MEF2A: variants seen among roughly 807,000 people sequenced by gnomAD.
MEF2A encodes myocyte enhancer factor 2A.
Under a neutral mutation model 55.8 loss-of-function variants are expected in MEF2A, and 28 were observed. That is an observed-to-expected ratio of 0.50 (90% CI 0.37 to 0.69). MEF2A has a LOEUF of 0.69. Among genes scored for constraint, MEF2A ranks in the 30% least tolerant of loss-of-function variants. MEF2A has a pLI of 0.00. For synonymous variants in MEF2A, 239 were observed against 227.1 expected (o/e 1.05, Z -0.47); for missense variants, 528 against 626.2 (o/e 0.84, Z 1.67).
chr15:99,629,378 C>T (rs1271111016), intron 2 of MEF2A, among the ~76,000 whole-genome samples: 7 of 152,218 alleles, frequency 4.6e-5, no homozygotes, highest in Admixed American at 6.5e-5. Context: ...CAAAGGGGCA[C>T]GAGAGCCTTT....
intron 1 of MEF2A, among the ~76,000 whole-genome samples, chr15:99,577,746 G>A (rs969876001): frequency 1.3e-5 from 2 of 152,000 alleles, no homozygotes; most frequent in African/African-American, 2.4e-5. Flanking sequence ...TGTTTCTTTA[G>A]TCTCCTGAAA....
chr15:99,627,150 T>A (rs1320305723), intron 2 of MEF2A, among the ~76,000 whole-genome samples: 1 of 151,840 alleles, frequency 6.6e-6, no homozygotes, highest in East Asian at 1.9e-4. Context: ...AGGGTGTGAA[T>A]ATGTAACTGG....
At position 99,586,118 on chromosome 15, in the gene MEF2A, A is replaced by G. The variant is rs528746085; in HGVS notation, c.-224-12312A>G. On this transcript the variant is annotated intron_variant, in intron 1 of 11. Coordinates refer to ENST00000557942, the MANE Select transcript of MEF2A (RefSeq NM_001319206.4). ...ATGGACTTTTGGTAGTATTATGAAT[A>G]AAGTTGCTATGAAGATTTGAGTACA... Among the ~76,000 whole-genome samples, 7 of 152,320 alleles carry G rather than the reference A, an allele frequency of 4.6e-5. No individual in the cohort carries two copies. The South Asian group carries it at 1.5e-3, about 32-fold the overall frequency.
intron 3 of MEF2A, among the ~76,000 whole-genome samples, chr15:99,634,095 G>A (rs950521716): frequency 6.6e-6 from 1 of 152,192 alleles, no homozygotes; most frequent in African/African-American, 2.4e-5. Context: ...CGTATCAGGA[G>A]AAGTTTCAAG....
rs1203173291 is a variant in MEF2A, at chr15:99,598,435, G to A, written c.-219G>A. The A allele has an allele frequency of 6.6e-6, 1 of 152,046 alleles. No homozygotes were observed. The highest frequency in any genetic ancestry group is 1.5e-5 in the Non-Finnish European group (1 of 67,994). 9.4% of individuals were successfully genotyped at this position (152,046 alleles called of 1,614,324 possible). On this transcript the variant is annotated 5_prime_UTR_variant, in exon 2 of 12. Coordinates refer to ENST00000557942, the MANE Select transcript of MEF2A (RefSeq NM_001319206.4). Reference sequence around the variant, plus strand: ...AAATTTTTTTCTTTTTTAAGGAATTGCATTTTGTGAAAAAAGAACAAGAAT... The same window carrying A: ...AAATTTTTTTCTTTTTTAAGGAATTACATTTTGTGAAAAAAGAACAAGAAT...
In MEF2A at chr15:99,712,942, A is replaced by C; in HGVS notation, c.*171A>C. On this transcript the variant is annotated 3_prime_UTR_variant, in exon 12 of 12. Coordinates refer to ENST00000557942, the MANE Select transcript of MEF2A (RefSeq NM_001319206.4). This position sits in a 1 kb window ranked among gnomAD's most constrained non-coding sequence, Gnocchi z 4.1. Reference sequence around the variant, plus strand: ...GTGTGTATGTGTGGGTGTGTGTTACATACACAGAATCAGGCACTTACCTGC... The same window carrying C: ...GTGTGTATGTGTGGGTGTGTGTTACCTACACAGAATCAGGCACTTACCTGC... 2 of 781,862 alleles carry C rather than the reference A, an allele frequency of 2.6e-6. No homozygotes were observed. Among genetic ancestry groups the C allele is most frequent in the Middle Eastern group, 3.9e-4 (1 of 2,582 alleles). The allele number at this position is 781,862 out of a possible 1,614,324, so 48.4% of individuals were successfully genotyped here.
At chr15:99,605,200 A>T (rs1974614856) in intron 2 of MEF2A, among the ~76,000 whole-genome samples, 1 of 152,124 alleles carries the variant, frequency 6.6e-6, no homozygotes, top group South Asian at 2.1e-4. Context: ...TGGCTGCTTC[A>T]GTCTCCCAAA....
At chr15:99,599,407 A>G (rs964523314) in intron 2 of MEF2A, among the ~76,000 whole-genome samples, 4 of 152,132 alleles carry the variant, frequency 2.6e-5, no homozygotes, top group Admixed American at 6.5e-5. Context: ...TATTTTGCCC[A>G]TTTCAGGAAT....
chr15:99,687,401 T>A (rs1333050073), intron 7 of MEF2A, among the ~76,000 whole-genome samples: 1 of 152,166 alleles, frequency 6.6e-6, no homozygotes, highest in Non-Finnish European at 1.5e-5. Context: ...TAGTGTCTGC[T>A]TATTTTTCGT....
chr15:99,645,364 G>A (rs547434029), intron 3 of MEF2A, among the ~76,000 whole-genome samples, 197 bp from the exon 4 acceptor site: 5 of 152,218 alleles, frequency 3.3e-5, no homozygotes, highest in South Asian at 2.1e-4. Flanking sequence ...CAGCTCTGTC[G>A]GAGAACTTGG....
intron 8 of MEF2A, among the ~76,000 whole-genome samples, chr15:99,699,921 G>A (rs1002093749): frequency 6.6e-6 from 1 of 151,306 alleles, no homozygotes; most frequent in African/African-American, 2.4e-5. Flanking sequence ...GTGTTTCAGG[G>A]TTATAGTTGA....
chr15:99,576,837 C>A (rs183066002), intron 1 of MEF2A, among the ~76,000 whole-genome samples: 2 of 151,920 alleles, frequency 1.3e-5, no homozygotes, highest in Non-Finnish European at 2.9e-5. Context: ...TTAGTAGAGA[C>A]GGGGTTTCAC....
chr15:99,597,690 C>T (rs1263847652), intron 1 of MEF2A, among the ~76,000 whole-genome samples: 2 of 152,136 alleles, frequency 1.3e-5, no homozygotes, highest in African/African-American at 2.4e-5. Context: ...CGGAACCTAC[C>T]GACATGTGAT....
At chr15:99,664,453 T>C (rs2049228382) in intron 4 of MEF2A, among the ~76,000 whole-genome samples, 1 of 152,170 alleles carries the variant, frequency 6.6e-6, no homozygotes, top group African/African-American at 2.4e-5. Context: ...ACTGATAATC[T>C]TCATGTAGAA....
intron 2 of MEF2A, among the ~76,000 whole-genome samples, chr15:99,604,559 C>G (rs531931475): frequency 1.3e-5 from 2 of 150,264 alleles, no homozygotes; most frequent in Non-Finnish European, 3.0e-5. Context: ...TTTTTAATGC[C>G]CTTGTCAGTT....
intron 1 of MEF2A, among the ~76,000 whole-genome samples, chr15:99,567,861 T>G (rs1033619328): frequency 7.9e-5 from 12 of 152,194 alleles, no homozygotes; most frequent in African/African-American, 2.9e-4. Flanking sequence ...GAATCACCTT[T>G]ATTTTAATTC....
intron 3 of MEF2A, among the ~76,000 whole-genome samples, chr15:99,634,555 G>C (rs1210725305): frequency 6.6e-6 from 1 of 152,092 alleles, no homozygotes; most frequent in Non-Finnish European, 1.5e-5. Flanking sequence ...AGAACTGGAG[G>C]ACACATAAAA....
intron 4 of MEF2A, among the ~76,000 whole-genome samples, chr15:99,666,094 C>T (rs560447261): frequency 5.5e-4 from 83 of 152,130 alleles, no homozygotes; most frequent in African/African-American, 1.9e-3. Context: ...TGAATATATA[C>T]CCAAAGGATT....
chr15:99,627,970 A>G (rs2042310694), intron 2 of MEF2A, among the ~76,000 whole-genome samples: 1 of 152,218 alleles, frequency 6.6e-6, no homozygotes, highest in African/African-American at 2.4e-5. Context: ...GCTGAATTTT[A>G]AAAGAGAAAT....
Sources: allele counts gnomAD v4.1 joint callset (sites outside exome capture counted in the v4.1 genomes callset), GRCh38; gene constraint gnomAD v4.1.1; non-coding constraint Gnocchi (gnomAD v3.1); transcripts MANE v1.5; gene names NCBI Gene and HGNC (gene_info 2026-07-23, HGNC 2026-07-21).